Variants in DMKN observed in about 807,000 individuals in gnomAD.
DMKN encodes epidermis-specific secreted protein SK30/SK89.
A neutral mutation model predicts 67.6 loss-of-function variants in DMKN; 58 were observed. That is an observed-to-expected ratio of 0.86 (90% CI 0.69 to 1.07). DMKN has a LOEUF of 1.07. Among genes scored for constraint, DMKN ranks in the 50% least tolerant of loss-of-function variants. DMKN has a pLI of 0.00. For synonymous variants in DMKN, 240 were observed against 232.3 expected, an observed-to-expected ratio of 1.03 and a Z score of -0.30; for missense variants, 596 against 601.5, an observed-to-expected ratio of 0.99 and a Z score of 0.10.
intron 7 of DMKN, chr19:35,508,173 AGT>A: frequency 6.4e-7 from 1 of 1,551,926 alleles, no homozygotes; most frequent in Non-Finnish European, 8.7e-7. Flanking sequence ...CTACCGGCAC[AGT>A]CTCTGACCCC....
At chr19:35,499,112 TG>T (rs1293399181) in intron 13 of DMKN, 1 of 688,314 alleles carries the variant, frequency 1.5e-6, no homozygotes, top group African/African-American at 1.8e-5. Context: ...ATATTGAACA[TG>T]GTTCCTGGGC....
chr19:35,510,650 G>C, intron 5 of DMKN: 1 of 1,220,366 alleles, frequency 8.2e-7, no homozygotes, highest in Admixed American at 2.8e-5. Flanking sequence ...CCTAGATGGG[G>C]GAGAGGAGGA....
rs1568635643 is a variant in DMKN at position 35,511,454 on chromosome 19, T to TTGCCATTGCTGCCACCACTGC, written c.874_875insGCAGTGGTGGCAGCAATGGCA (p.Gly291_Asn292insSerSerGlyGlySerAsnGly). 7.7e-6 allele frequency: 12 copies of TTGCCATTGCTGCCACCACTGC among 1,559,946 alleles called. No individual in the cohort carries two copies. Among genetic ancestry groups the TTGCCATTGCTGCCACCACTGC allele is most frequent in the Non-Finnish European group, 1.0e-5 (12 of 1,163,392 alleles). Reference sequence around the variant, plus strand: ...GCTGTCACCTCTGCTGCCACCACTGTTGCCACTGCTGCCACCACTGCTGCC... The same window carrying TTGCCATTGCTGCCACCACTGC: ...GCTGTCACCTCTGCTGCCACCACTGTTGCCATTGCTGCCACCACTGCTGCCACTGCTGCCACCACTGCTGCC... On this transcript the variant is annotated inframe_insertion, in exon 5 of 16. Transcript: ENST00000339686.
At chr19:35,498,222 A>G (rs577097098) in intron 15 of DMKN, 59 of 165,486 alleles carry the variant, frequency 3.6e-4, no homozygotes, top group Non-Finnish European at 6.9e-4. Context: ...AGCAGCCTCA[A>G]CCTCCCAAGC....
In DMKN at chr19:35,512,419, A is replaced by G; in HGVS notation, c.684+2T>C. The stretch of plus-strand genomic sequence containing the variant: ...CATTTGTTCCCAGCCCCTTCCTCTT[A>G]CCCCTTCATTCTGGTTGCTGGCTCT... On this transcript the variant is annotated splice_donor_variant, in intron 3 of 15. Transcript: ENST00000339686. LOFTEE classifies it high-confidence loss of function. 1.2e-6 allele frequency: 2 copies of G among 1,613,308 alleles called. No individual in the cohort carries two copies. The highest frequency in any genetic ancestry group is 1.7e-6 in the Non-Finnish European group (2 of 1,179,816).
At chr19:35,498,608 G>A (rs2067838712) in intron 15 of DMKN, 108 bp downstream of exon 15, 1 of 1,474,838 alleles carries the variant, frequency 6.8e-7, no homozygotes, top group Admixed American at 2.0e-5. Flanking sequence ...CTGACTTCAT[G>A]TCGCTGCCCA....
intron 13 of DMKN, 154 bp downstream of exon 13, chr19:35,499,804 A>C (rs2145854007): frequency 2.8e-6 from 2 of 707,916 alleles, no homozygotes; most frequent in East Asian, 5.4e-5. Context: ...AGGGAACCCG[A>C]GTCTCCCTTG....
rs370770248 is a variant in DMKN, at chr19:35,513,484, A to G, written c.-9T>C. 5 of 1,590,500 alleles carry G rather than the reference A, an allele frequency of 3.1e-6. No individual in the cohort carries two copies. The highest frequency in any genetic ancestry group is 1.3e-5 in the African/African-American group (1 of 74,570). ...GGCCCCTGGAACTTCATCTCTGCCC[A>G]GCCCCCTCTCTCTCCAGAGTGTCTT... On this transcript the variant is annotated 5_prime_UTR_variant, in exon 1 of 16. Transcript: ENST00000339686.
intron 9 of DMKN, 146 bp from the exon 10 acceptor site, chr19:35,503,032 C>A: frequency 1.0e-6 from 1 of 1,001,430 alleles, no homozygotes; most frequent in Non-Finnish European, 1.5e-6. Flanking sequence ...TTAGGGACAC[C>A]AGGAAACCAT....
intron 13 of DMKN, 25 bp from the exon 14 acceptor site, chr19:35,498,922 A>T (rs1336555181): frequency 6.2e-7 from 1 of 1,613,996 alleles, no homozygotes; most frequent in Non-Finnish European, 8.5e-7. Flanking sequence ...AAGGAAAGTG[A>T]TGTGGGGTCA....
At chr19:35,499,140 G>C (rs895695041) in intron 13 of DMKN, 1 of 588,862 alleles carries the variant, frequency 1.7e-6, no homozygotes, top group African/African-American at 1.9e-5. Context: ...TGACCAAGGG[G>C]GTCAAAAGAG....
intron 5 of DMKN, among the ~76,000 whole-genome samples, chr19:35,511,070 C>G (rs1205806741): frequency 6.6e-6 from 1 of 152,342 alleles, no homozygotes; most frequent in African/African-American, 2.4e-5. Context: ...TCTCCCATGT[C>G]CCCCTCTTTC....
In DMKN at chr19:35,509,278, T is replaced by A. The variant is rs201033257; in HGVS notation, c.1038+633A>T. Among the ~76,000 whole-genome samples the A allele has an allele frequency of 3.7e-3, 514 of 138,142 alleles. 3 individuals carry two copies. Among genetic ancestry groups the A allele is most frequent in the South Asian group, 0.012 (51 of 4,236 alleles). 90.6% of individuals were successfully genotyped at this position (138,142 alleles called of 152,430 possible). On this transcript the variant is annotated intron_variant, in intron 7 of 15. Transcript: ENST00000339686. ...TTACAAATGGGAAGAAATTTTTTTTTAAAAAAACCAGTTTGTTCCCATAAA... is the reference window on the plus strand; with the variant it reads ...TTACAAATGGGAAGAAATTTTTTTTAAAAAAAACCAGTTTGTTCCCATAAA...
rs2067934075 is a variant in DMKN, at chr19:35,499,117, C to A, written c.1360-220G>T. 4.5e-6 allele frequency: 3 copies of A among 671,008 alleles called. 1 individual carries two copies. Among genetic ancestry groups the A allele is most frequent in the Non-Finnish European group, 7.5e-6 (3 of 397,838 alleles). 41.6% of individuals were successfully genotyped at this position (671,008 alleles called of 1,614,324 possible). ...ATCCAAGATGATATTGAACATGGTT[C>A]CTGGGCACGTACTGACCAAGGGGGT... On this transcript the variant is annotated intron_variant, in intron 13 of 15. Coordinates refer to ENST00000339686, the MANE Select transcript of DMKN (RefSeq NM_033317.5).
intron 7 of DMKN, chr19:35,506,743 G>A (rs1200494234): frequency 3.1e-6 from 1 of 326,816 alleles, no homozygotes; most frequent in Non-Finnish European, 6.2e-6. Flanking sequence ...GCTGGGCATC[G>A]TGGGTCACGC....
At chr19:35,505,864 A>T in intron 8 of DMKN, 75 bp downstream of exon 8, 1 of 1,613,114 alleles carries the variant, frequency 6.2e-7, no homozygotes, top group Non-Finnish European at 8.5e-7. Flanking sequence ...TAGAAAGAGG[A>T]CCCCAGACTG....
intron 15 of DMKN, chr19:35,498,450 C>G (rs2145822179): frequency 1.9e-6 from 1 of 533,692 alleles, no homozygotes; most frequent in East Asian, 3.3e-5. Flanking sequence ...CTCAAGTGAT[C>G]CTCCCACCCC....
chr19:35,499,788 T>C, intron 13 of DMKN, 170 bp downstream of exon 13: 1 of 639,402 alleles, frequency 1.6e-6, no homozygotes, highest in Non-Finnish European at 2.7e-6. Flanking sequence ...ACTTCCAAAC[T>C]GTCTCAGGGA....
Position 35,513,395 on chromosome 19 carries a change from T to G in DMKN, c.81A>C (p.Gly27=). 4 of 1,608,874 alleles carry G rather than the reference T, an allele frequency of 2.5e-6. No homozygotes were observed. Among genetic ancestry groups the G allele is most frequent in the South Asian group, 2.2e-5 (2 of 91,076 alleles). ...CAATATTTGTCCCAGTGCTTTCCTCTCCGCTCTGCAGGGGGCCAGCCTCCC... is the reference window on the plus strand; with the variant it reads ...CAATATTTGTCCCAGTGCTTTCCTCGCCGCTCTGCAGGGGGCCAGCCTCCC... ...GSGEAGPLQS[G]EESTGTNIGE... Residue 27 remains glycine (G), a synonymous_variant, in exon 1 of 16, where the codon GGA becomes GGC. Coordinates refer to ENST00000339686, the MANE Select transcript of DMKN (RefSeq NM_033317.5).
Sources: gnomAD v4.1 joint callset for allele counts (sites outside exome capture counted in the v4.1 genomes callset) on GRCh38, gnomAD v4.1.1 for gene constraint, MANE v1.5 for transcripts, NCBI Gene and HGNC (gene_info 2026-07-23, HGNC 2026-07-21) for gene names.